CPN1: variants seen among roughly 807,000 people sequenced by gnomAD.
The protein encoded by CPN1 is carboxypeptidase N catalytic chain.
A neutral mutation model predicts 46.4 loss-of-function variants in CPN1; 37 were observed. The observed-to-expected ratio is 0.80, with a 90% CI of 0.61 to 1.05. The LOEUF is 1.05. Ranked by LOEUF, CPN1 falls within the 50% of genes least tolerant of loss-of-function variation. The pLI is 0.00. For synonymous variants in CPN1, 224 were observed against 235.4 expected (o/e 0.95, Z 0.44); for missense variants, 563 against 602.6 (o/e 0.93, Z 0.69).
At position 100,075,959 on chromosome 10, in the gene CPN1, G is replaced by A. The variant is rs773167602; in HGVS notation, c.372C>T (p.His124=). 5.0e-6 allele frequency: 8 copies of A among 1,614,092 alleles called. No homozygotes were observed. In the Admixed American group the frequency reaches 6.7e-5, roughly 13 times the overall value. ...IVQLIQDTRI[H]ILPSMNPDGY... is the part of the protein sequence containing the mutation. ...CGTCGGGGTTCATGGATGGCAGGATGTGAATGCGCGTGTCCTGGATGAGCT... is the reference window on the plus strand; with the variant it reads ...CGTCGGGGTTCATGGATGGCAGGATATGAATGCGCGTGTCCTGGATGAGCT... Residue 124 remains histidine (H), a synonymous_variant, in exon 2 of 9, where the codon CAC becomes CAT. Transcript: ENST00000370418.
chr10:100,067,426 AT>A (rs1018177226), intron 3 of CPN1, among the ~76,000 whole-genome samples: 3 of 152,032 alleles, frequency 2.0e-5, no homozygotes, highest in African/African-American at 2.4e-5. Flanking sequence ...TTACAAAGTT[AT>A]TTTTTATTTA....
intron 4 of CPN1, 116 bp from the exon 5 acceptor site, chr10:100,063,841 A>G: frequency 1.3e-6 from 1 of 778,714 alleles, no homozygotes; most frequent in Non-Finnish European, 2.3e-6. Flanking sequence ...ACAGTGGATT[A>G]TTTGCTTTAG....
At chr10:100,060,597 C>G (rs1489294121) in intron 5 of CPN1, among the ~76,000 whole-genome samples, 1 of 152,090 alleles carries the variant, frequency 6.6e-6, no homozygotes, top group East Asian at 1.9e-4. Context: ...AAAATTATCA[C>G]TTACTTTTTA....
chr10:100,065,433 A>T lies in CPN1; in HGVS notation c.577-63T>A. 4 of 1,586,786 alleles carry T rather than the reference A, an allele frequency of 2.5e-6. No individual in the cohort carries two copies. The South Asian group carries it at 3.3e-5, about 13-fold the overall frequency. On this transcript the variant is annotated intron_variant, in intron 3 of 8. Transcript: ENST00000370418. ...TGGGGCTACCAAACAAACGGCGGTTAGAGTAAGTCTGTCAGGAAGTGGCCT... is the reference window on the plus strand; with the variant it reads ...TGGGGCTACCAAACAAACGGCGGTTTGAGTAAGTCTGTCAGGAAGTGGCCT...
At chr10:100,074,379 C>A (rs1253799738) in intron 2 of CPN1, among the ~76,000 whole-genome samples, 1 of 152,152 alleles carries the variant, frequency 6.6e-6, no homozygotes, top group Non-Finnish European at 1.5e-5. Context: ...GACCAGCTTC[C>A]CAGAGATGGC....
At chr10:100,058,061 C>T (rs2041395443) in intron 5 of CPN1, among the ~76,000 whole-genome samples, 1 of 152,064 alleles carries the variant, frequency 6.6e-6, no homozygotes, top group Admixed American at 6.6e-5. Flanking sequence ...ACCTCTATTT[C>T]TTTCTTTCCT....
At chr10:100,055,348 A>AT (rs911616359) in intron 6 of CPN1, among the ~76,000 whole-genome samples, 7 of 149,322 alleles carry the variant, frequency 4.7e-5, no homozygotes, top group Non-Finnish European at 8.9e-5. Flanking sequence ...ATTCTCCATT[A>AT]TCCCCCCCCC....
Position 100,081,837 on chromosome 10 carries a change from C to T in CPN1, c.-212G>A. ...TCATCTCTCCTCCCTCACTCCCTTTCTTTCTCTAATCCAGGAAAGCCTTTT... is the reference window on the plus strand; with the variant it reads ...TCATCTCTCCTCCCTCACTCCCTTTTTTTCTCTAATCCAGGAAAGCCTTTT... On this transcript the variant is annotated 5_prime_UTR_variant, in exon 1 of 9. Transcript: ENST00000370418. The T allele has an allele frequency of 3.4e-6, 2 of 582,014 alleles. 1 individual carries two copies. Among genetic ancestry groups the T allele is most frequent in the South Asian group, 3.8e-5 (2 of 52,764 alleles). 36.1% of individuals were successfully genotyped at this position (582,014 alleles called of 1,614,324 possible). A position where few individuals can be genotyped will look rare whatever the true frequency, so the allele number is the denominator to read the frequency against.
At chr10:100,080,650 T>C (rs1288987912) in intron 1 of CPN1, among the ~76,000 whole-genome samples, 3 of 152,180 alleles carry the variant, frequency 2.0e-5, no homozygotes, top group Non-Finnish European at 4.4e-5. Context: ...ATCCCAACAC[T>C]GGGAGGCCAA....
In CPN1 at chr10:100,073,772, C is replaced by T. The variant is rs549579382; in HGVS notation, c.420+2139G>A. Among the ~76,000 whole-genome samples, 14 of 152,134 alleles carry T rather than the reference C, an allele frequency of 9.2e-5. 1 individual carries two copies. In the South Asian group the frequency reaches 2.7e-3, roughly 29 times the overall value. On this transcript the variant is annotated intron_variant, in intron 2 of 8. Coordinates refer to ENST00000370418, the MANE Select transcript of CPN1 (RefSeq NM_001308.3). The stretch of plus-strand genomic sequence containing the variant: ...CTGGGATTACAGGCATGTGTTACCA[C>T]GCCTGGCTAATTTTGTATTTTTAGT...
rs749279621 is a variant in CPN1 at position 100,063,718 on chromosome 10, T to C, written c.767A>G (p.Lys256Arg). ...PDDKLFQKLA[K>R]VYSYAHGWMF... is the part of the protein sequence containing the mutation. ...CCATCCATGTGCATAGGAGTAGACCTTGGCCAGCTAGAGGAAAAGCAGGAG... is the reference window on the plus strand; with the variant it reads ...CCATCCATGTGCATAGGAGTAGACCCTGGCCAGCTAGAGGAAAAGCAGGAG... Residue 256 changes from lysine (K) to arginine (R), a missense_variant, in exon 5 of 9, where the codon AAG (lysine) becomes AGG (arginine). Lys to Arg is a conservative substitution (Grantham distance 26, BLOSUM62 2). Coordinates refer to ENST00000370418, the MANE Select transcript of CPN1 (RefSeq NM_001308.3). 22 of 1,613,596 alleles carry C rather than the reference T, an allele frequency of 1.4e-5. No homozygotes were observed. Among genetic ancestry groups the C allele is most frequent in the Non-Finnish European group, 5.9e-6 (7 of 1,179,682 alleles).
intron 2 of CPN1, among the ~76,000 whole-genome samples, chr10:100,071,767 G>A (rs1268954972): frequency 6.6e-6 from 1 of 152,142 alleles, no homozygotes; most frequent in Non-Finnish European, 1.5e-5. Flanking sequence ...ACATTGTACT[G>A]GGTAACATAA....
At position 100,076,015 on chromosome 10, in the gene CPN1, C is replaced by G; in HGVS notation, c.316G>C (p.Glu106Gln). The change falls in exon 2 of 9, where the codon GAG becomes CAG. Residue 106 changes from glutamate (E) to glutamine (Q), a missense_variant. Physicochemically the swap from Glu to Gln is conservative, Grantham distance 29 (BLOSUM62 2). Coordinates refer to ENST00000370418, the MANE Select transcript of CPN1 (RefSeq NM_001308.3). The stretch of plus-strand genomic sequence containing the variant: ...ATGCGCTGGTTCCTGTTCCGGAACT[C>G]CTCGCACAGAAACTCCGACAGCTGC... ...MLQLSEFLCEEFRNRNQRIVQ... is the reference protein window; with the variant it reads ...MLQLSEFLCEQFRNRNQRIVQ... 6.2e-7 allele frequency: 1 copy of G among 1,614,152 alleles called. No homozygotes were observed. Among genetic ancestry groups the G allele is most frequent in the Non-Finnish European group, 8.5e-7 (1 of 1,180,044 alleles).
At chr10:100,053,416 G>A (rs2041366804) in intron 7 of CPN1, among the ~76,000 whole-genome samples, 1 of 152,206 alleles carries the variant, frequency 6.6e-6, no homozygotes, top group Admixed American at 6.5e-5. Flanking sequence ...TTGAGCCAAG[G>A]AGCTTGAAAC....
intron 2 of CPN1, 102 bp from the exon 3 acceptor site, chr10:100,069,971 G>T: frequency 7.4e-7 from 1 of 1,347,914 alleles, no homozygotes; most frequent in Non-Finnish European, 1.1e-6. Flanking sequence ...TGCCCAGGCT[G>T]AAGTGCAGTG....
chr10:100,054,398 G>A lies in CPN1; in HGVS notation c.1060C>T (p.Leu354Phe). The A allele has an allele frequency of 6.2e-7, 1 of 1,614,106 alleles. No homozygotes were observed. The highest frequency in any genetic ancestry group is 8.5e-7 in the Non-Finnish European group (1 of 1,179,990). Residue 354 changes from leucine to phenylalanine, a missense_variant, in exon 7 of 9, where the codon CTC becomes TTC. Coordinates refer to ENST00000370418, the MANE Select transcript of CPN1 (RefSeq NM_001308.3). ...GMVLDENYNN[L>F]ANAVISVSGI... ...CTGACAGAAATGACAGCATTGGCGA[G>A]ATTATTGTAATTCTCATCAAGCACC...
At position 100,069,866 on chromosome 10, in the gene CPN1, G is replaced by C. The variant is rs1176021725; in HGVS notation, c.424C>G (p.Pro142Ala). 6.8e-6 allele frequency: 11 copies of C among 1,613,254 alleles called. No individual in the cohort carries two copies. Among genetic ancestry groups the C allele is most frequent in the Non-Finnish European group, 9.3e-6 (11 of 1,179,914 alleles). The change falls in exon 3 of 9, where the codon CCA (proline) becomes GCA (alanine). Residue 142 changes from proline to alanine, a missense_variant. Transcript: ENST00000370418. ...DGYEVAAAQG[P>A]NKPGYLVGRN... Reference sequence around the variant, plus strand: ...CCAACTAGATACCCAGGCTTGTTTGGGCCCTAAAGGAAAATGAAAAGATGA... The same window carrying C: ...CCAACTAGATACCCAGGCTTGTTTGCGCCCTAAAGGAAAATGAAAAGATGA...
chr10:100,081,300 T>A (rs557341741), intron 1 of CPN1, 103 bp downstream of exon 1: 10 of 944,098 alleles, frequency 1.1e-5, no homozygotes, highest in Non-Finnish European at 1.7e-5. Context: ...TAATACCTTG[T>A]AGGCGGAGGC....
intron 3 of CPN1, 42 bp downstream of exon 3, chr10:100,069,672 G>T: frequency 6.2e-7 from 1 of 1,613,200 alleles, no homozygotes; most frequent in South Asian, 1.1e-5. Flanking sequence ...AGAAATTCCA[G>T]ATGCTGATTT....
Sources: gnomAD v4.1 joint callset for allele counts (sites outside exome capture counted in the v4.1 genomes callset) on GRCh38, gnomAD v4.1.1 for gene constraint, MANE v1.5 for transcripts, NCBI Gene and HGNC (gene_info 2026-07-23, HGNC 2026-07-21) for gene names.